The following THSD7A variants were observed in gnomAD, a reference collection of about 807,000 sequenced individuals.
THSD7A encodes the protein thrombospondin type 1 domain containing 7A, also known as thrombospondin type-1 domain-containing protein 7A.
A neutral mutation model predicts 231.3 loss-of-function variants in THSD7A; 96 were observed. That is an observed-to-expected ratio of 0.41 (90% CI 0.35 to 0.49). THSD7A has a LOEUF of 0.49. Among genes scored for constraint, THSD7A ranks in the 20% least tolerant of loss-of-function variants. THSD7A has a pLI of 0.05. For missense variants in THSD7A, 2,290 were observed against 2,070.2 expected (o/e 1.11, Z -2.06); for synonymous variants, 940 against 743.3 (o/e 1.26, Z -4.30).
chr7:11,478,827 A>C (rs1786306583), intron 7 of THSD7A, among the ~76,000 whole-genome samples: 1 of 152,180 alleles, frequency 6.6e-6, no homozygotes, highest in South Asian at 2.1e-4. Context: ...AACACTGAGT[A>C]AATCAGGGGT....
intron 2 of THSD7A, among the ~76,000 whole-genome samples, chr7:11,611,970 G>T (rs966118555): frequency 6.6e-6 from 1 of 151,968 alleles, no homozygotes; most frequent in African/African-American, 2.4e-5. Context: ...TAGAATTGCT[G>T]CTACTGGCCC....
At chr7:11,544,263 A>C (rs1037978787) in intron 4 of THSD7A, among the ~76,000 whole-genome samples, 3 of 152,054 alleles carry the variant, frequency 2.0e-5, no homozygotes, top group African/African-American at 4.8e-5. Context: ...AATCACTTGA[A>C]CCTGGGAGGC....
intron 13 of THSD7A, among the ~76,000 whole-genome samples, chr7:11,442,782 C>A (rs563027798): frequency 1.4e-3 from 220 of 152,068 alleles, no homozygotes; most frequent in Non-Finnish European, 2.5e-3. Flanking sequence ...CCGTCAGATA[C>A]CAGATTGAGA....
At chr7:11,546,197 C>CGTGTGTGTGTGCGCGCGCGCGT (rs1410217248) in intron 4 of THSD7A, among the ~76,000 whole-genome samples, 15 of 78,422 alleles carry the variant, frequency 1.9e-4, no homozygotes, top group African/African-American at 7.5e-4. Flanking sequence ...CTGGTGTGGG[C>CGTGTGTGTGTGCGCGCGCGCGT]GCGCGCTCAC....
At chr7:11,533,200 T>G (rs1788775268) in intron 6 of THSD7A, among the ~76,000 whole-genome samples, 1 of 152,164 alleles carries the variant, frequency 6.6e-6, no homozygotes, top group Non-Finnish European at 1.5e-5. Flanking sequence ...TTCAGACAGT[T>G]CAGAGTGAAA....
intron 4 of THSD7A, among the ~76,000 whole-genome samples, chr7:11,555,310 A>G (rs1233431149): frequency 6.6e-6 from 1 of 151,684 alleles, no homozygotes; most frequent in Non-Finnish European, 1.5e-5. Context: ...CAGTATTTTG[A>G]TTTTCCTTGA....
chr7:11,570,938 T>C (rs1790601158), intron 4 of THSD7A, among the ~76,000 whole-genome samples: 1 of 152,194 alleles, frequency 6.6e-6, no homozygotes, highest in African/African-American at 2.4e-5. Context: ...CATTTAATTC[T>C]TGTATTCTTA....
intron 13 of THSD7A, among the ~76,000 whole-genome samples, chr7:11,443,432 T>C (rs1008425204): frequency 2.0e-5 from 3 of 151,576 alleles, no homozygotes; most frequent in Non-Finnish European, 4.4e-5. Context: ...CAATTACTCT[T>C]TGAGATGTTT....
chr7:11,700,606 T>G (rs1438140383), intron 1 of THSD7A, among the ~76,000 whole-genome samples: 1 of 151,280 alleles, frequency 6.6e-6, no homozygotes, highest in Non-Finnish European at 1.5e-5. Context: ...TTTTCATGTT[T>G]TGTTCATTTA....
chr7:11,420,503 C>A (rs117736817), intron 16 of THSD7A, among the ~76,000 whole-genome samples: 2 of 152,340 alleles, frequency 1.3e-5, no homozygotes, highest in East Asian at 1.9e-4. Flanking sequence ...GAGCCTCCAC[C>A]CGGATTTCAG....
intron 2 of THSD7A, among the ~76,000 whole-genome samples, chr7:11,631,812 G>C (rs558594082): frequency 6.6e-6 from 1 of 152,178 alleles, no homozygotes; most frequent in African/African-American, 2.4e-5. Context: ...TTTTAGATAA[G>C]CAACACCATT....
intron 8 of THSD7A, among the ~76,000 whole-genome samples, chr7:11,471,897 A>C (rs995124559): frequency 1.1e-4 from 16 of 152,256 alleles, no homozygotes; most frequent in African/African-American, 3.4e-4. Context: ...CTTTTGTTCA[A>C]TAAGGCAATT....
intron 11 of THSD7A, among the ~76,000 whole-genome samples, chr7:11,448,867 C>G (rs188692550): frequency 5.5e-4 from 84 of 151,928 alleles, no homozygotes; most frequent in African/African-American, 2.0e-3. Flanking sequence ...TTTGGAAGGG[C>G]CAGTTTGTAA....
intron 8 of THSD7A, among the ~76,000 whole-genome samples, chr7:11,471,863 GGTCA>G (rs1388574055): frequency 6.6e-6 from 1 of 151,930 alleles, no homozygotes; most frequent in African/African-American, 2.4e-5. Context: ...TGAAATTATT[GGTCA>G]GTAATTATTA....
At chr7:11,817,886 C>A (rs1321164987) in intron 1 of THSD7A, among the ~76,000 whole-genome samples, 1 of 151,952 alleles carries the variant, frequency 6.6e-6, no homozygotes, top group Non-Finnish European at 1.5e-5. Context: ...ACTGACTACA[C>A]ACACACACAG....
At chr7:11,734,016 T>C (rs575996359) in intron 1 of THSD7A, among the ~76,000 whole-genome samples, 1 of 151,986 alleles carries the variant, frequency 6.6e-6, no homozygotes, top group Non-Finnish European at 1.5e-5. Context: ...CTATTCTTTG[T>C]CTTCCCTTCT....
chr7:11,585,901 C>T (rs1452237015), intron 4 of THSD7A, among the ~76,000 whole-genome samples: 5 of 152,142 alleles, frequency 3.3e-5, no homozygotes, highest in Non-Finnish European at 7.3e-5. Context: ...AACATGCAGA[C>T]TCCACATTCC....
At chr7:11,734,088 G>A (rs1310652046) in intron 1 of THSD7A, among the ~76,000 whole-genome samples, 1 of 151,768 alleles carries the variant, frequency 6.6e-6, no homozygotes, top group African/African-American at 2.4e-5. Context: ...ACCCCTTCCT[G>A]TTGATTAGAT....
intron 1 of THSD7A, among the ~76,000 whole-genome samples, chr7:11,780,997 CAAAAAAAAAAAAAAAAAAAA>C (rs58931693): frequency 4.9e-3 from 168 of 34,444 alleles, no homozygotes; most frequent in Admixed American, 0.012. Context: ...GACTCCGTCT[CAAAAAAAAAAAAAAAAAAAA>C]AAAAAAAAAA....
Sources: allele counts gnomAD v4.1 joint callset (sites outside exome capture counted in the v4.1 genomes callset), GRCh38; gene constraint gnomAD v4.1.1; transcripts MANE v1.5; gene names NCBI Gene and HGNC (gene_info 2026-07-23, HGNC 2026-07-21).